Variants in NEK6 observed in about 807,000 individuals in gnomAD.
The protein encoded by NEK6 is NIMA related kinase 6, also known as serine/threonine-protein kinase Nek6.
In NEK6, 27 loss-of-function variants were observed where a neutral mutation model predicts 43.5. The ratio of observed to expected loss-of-function variants is 0.62; its 90% CI spans 0.46 to 0.86. The LOEUF is 0.86. NEK6 is among the 40% of genes least tolerant of loss of function. The pLI, the probability that NEK6 is intolerant of heterozygous loss-of-function variation, is 0.00. For synonymous variants in NEK6, 167 were observed against 164.1 expected, an observed-to-expected ratio of 1.02 and a Z score of -0.14; for missense variants, 318 against 414.4, an observed-to-expected ratio of 0.77 and a Z score of 2.02.
Position 124,327,444 on chromosome 9 carries a change from A to G in NEK6, c.621A>G (p.Leu207=). 6.2e-7 allele frequency: 1 copy of G among 1,611,318 alleles called. No individual in the cohort carries two copies. Among genetic ancestry groups the G allele is most frequent in the Non-Finnish European group, 8.5e-7 (1 of 1,179,028 alleles). The change falls in exon 7 of 10, where the codon CTA becomes CTG. Residue 207 remains leucine, a splice_region_variant and synonymous_variant. Coordinates refer to ENST00000320246, the MANE Select transcript of NEK6 (RefSeq NM_014397.6). ...CTGAGACCACCGCAGCCCACTCCCT[A>G]GGTAAGGGGGACCTGTCTGTGCCCC... ...FSSETTAAHS[L]VGTPYYMSPE... is the part of the protein sequence containing the mutation.
intron 1 of NEK6, among the ~76,000 whole-genome samples, chr9:124,298,093 C>T (rs559033852): frequency 1.3e-5 from 2 of 152,352 alleles, no homozygotes; most frequent in African/African-American, 2.4e-5. Flanking sequence ...CTAATGGCAT[C>T]GAGCCTCTTC....
At chr9:124,331,275 A>AAAAAAAAAAAC (rs540083053) in intron 7 of NEK6, among the ~76,000 whole-genome samples, 2 of 145,728 alleles carry the variant, frequency 1.4e-5, no homozygotes, top group East Asian at 4.5e-4. Context: ...AAAAAAAAAC[A>AAAAAAAAAAAC]AAACATTTTG....
chr9:124,288,825 C>T (rs2119032639), intron 1 of NEK6, among the ~76,000 whole-genome samples: 1 of 151,880 alleles, frequency 6.6e-6, no homozygotes, highest in Admixed American at 6.5e-5. Flanking sequence ...GACCCCTGAG[C>T]TTGCTGCCTC....
chr9:124,276,780 T>G (rs1220884180), intron 1 of NEK6, among the ~76,000 whole-genome samples: 5 of 152,236 alleles, frequency 3.3e-5, no homozygotes, highest in Non-Finnish European at 7.3e-5. Context: ...GTTGGCCAGG[T>G]GGCGAAGGCC....
At chr9:124,295,134 G>C (rs1416611739) in intron 1 of NEK6, among the ~76,000 whole-genome samples, 1 of 152,274 alleles carries the variant, frequency 6.6e-6, no homozygotes. Context: ...CGGGGAACCT[G>C]TCTGCATGGC....
intron 1 of NEK6, among the ~76,000 whole-genome samples, chr9:124,285,235 G>A (rs571711226): frequency 4.6e-5 from 7 of 152,318 alleles, no homozygotes; most frequent in Non-Finnish European, 8.8e-5. Context: ...GTGCTCTGAG[G>A]TCAGACTTTT....
At chr9:124,262,251 C>T (rs1394586550) in intron 1 of NEK6, among the ~76,000 whole-genome samples, 1 of 152,246 alleles carries the variant, frequency 6.6e-6, no homozygotes, top group African/African-American at 2.4e-5. Context: ...CCAGCACTTT[C>T]ACTCATTCCT....
At chr9:124,340,532 T>G (rs1829547769) in intron 8 of NEK6, among the ~76,000 whole-genome samples, 1 of 152,202 alleles carries the variant, frequency 6.6e-6, no homozygotes, top group Admixed American at 6.5e-5. Context: ...TGTCTTGCAT[T>G]GTCCTCAGTC....
At position 124,326,294 on chromosome 9, in the gene NEK6, C is replaced by T. The variant is rs781357573; in HGVS notation, c.406-36C>T. 8 of 1,535,862 alleles carry T rather than the reference C, an allele frequency of 5.2e-6. No homozygotes were observed. Among genetic ancestry groups the T allele is most frequent in the Non-Finnish European group, 7.2e-6 (8 of 1,116,388 alleles). Reference sequence around the variant, plus strand: ...GCCACCCACCTCCAAGCCCGCTCACCCGGGCCTATCCCTCTGCTTGTCTCC... The same window carrying T: ...GCCACCCACCTCCAAGCCCGCTCACTCGGGCCTATCCCTCTGCTTGTCTCC... On this transcript the variant is annotated intron_variant, in intron 5 of 9. Coordinates refer to ENST00000320246, the MANE Select transcript of NEK6 (RefSeq NM_014397.6). The surrounding 1 kb of genome is among the most constrained non-coding windows in gnomAD (Gnocchi z 4.5).
intron 4 of NEK6, among the ~76,000 whole-genome samples, chr9:124,318,757 C>T (rs1391578561): frequency 2.6e-5 from 4 of 152,074 alleles, no homozygotes; most frequent in East Asian, 1.9e-4. Flanking sequence ...CTGCAACCAC[C>T]GTCTCCCGGG....
At chr9:124,271,484 C>G (rs1162571005) in intron 1 of NEK6, among the ~76,000 whole-genome samples, 3 of 152,246 alleles carry the variant, frequency 2.0e-5, no homozygotes, top group Non-Finnish European at 1.5e-5. Context: ...CACCGGAGAC[C>G]CGGCCAAGTA....
At chr9:124,325,940 TCC>T (rs752293480) in intron 5 of NEK6, among the ~76,000 whole-genome samples, 1 of 151,950 alleles carries the variant, frequency 6.6e-6, no homozygotes, top group Non-Finnish European at 1.5e-5. Context: ...ACAGGGAGAG[TCC>T]ACACCCATTT....
At chr9:124,267,976 A>G (rs1250432630) in intron 1 of NEK6, among the ~76,000 whole-genome samples, 3 of 152,220 alleles carry the variant, frequency 2.0e-5, no homozygotes. Flanking sequence ...CTGTAGAAGT[A>G]TTTAGTGCCA....
At chr9:124,291,765 T>C (rs1305758426) in intron 1 of NEK6, 1 of 957,194 alleles carries the variant, frequency 1.0e-6, no homozygotes, top group Admixed American at 6.2e-5. Context: ...TACACTGGTC[T>C]AATCGGGTGG....
rs377044501 is a variant in NEK6 at position 124,278,161 on chromosome 9, C to T, written c.-30+20076C>T. 7.9e-5 allele frequency among the ~76,000 whole-genome samples: 12 copies of T among 152,308 alleles called. No homozygotes were observed. The South Asian group carries it at 1.9e-3, about 24-fold the overall frequency. ...CTGCAGTACTCGGTACAGGACCATG[C>T]GGTACAGGTGTGTAGCCCAGGAGTG... is the stretch of plus-strand genomic sequence containing the variant. On this transcript the variant is annotated intron_variant, in intron 1 of 9. Coordinates refer to ENST00000320246, the MANE Select transcript of NEK6 (RefSeq NM_014397.6).
intron 1 of NEK6, among the ~76,000 whole-genome samples, chr9:124,266,755 G>A (rs1005673721): frequency 6.6e-6 from 1 of 152,198 alleles, no homozygotes; most frequent in African/African-American, 2.4e-5. Flanking sequence ...GTAGGCACGC[G>A]GCCGGATCCT....
chr9:124,337,641 A>G (rs1206183128), intron 7 of NEK6, among the ~76,000 whole-genome samples: 1 of 152,246 alleles, frequency 6.6e-6, no homozygotes, highest in Non-Finnish European at 1.5e-5. Context: ...TGAACAGACC[A>G]CAGTTTATCA....
chr9:124,295,281 A>G (rs1832629899), intron 1 of NEK6, among the ~76,000 whole-genome samples: 1 of 152,214 alleles, frequency 6.6e-6, no homozygotes, highest in Non-Finnish European at 1.5e-5. Flanking sequence ...GAGGGAACAC[A>G]GGACCCGGCC....
intron 1 of NEK6, chr9:124,259,381 T>C (rs1392335483): frequency 6.6e-6 from 1 of 152,002 alleles, no homozygotes; most frequent in Non-Finnish European, 1.5e-5. Flanking sequence ...AAGAATTTCA[T>C]TGAAAGGGAC....
Sources: gnomAD v4.1 joint callset for allele counts (sites outside exome capture counted in the v4.1 genomes callset) on GRCh38, gnomAD v4.1.1 for gene constraint, Gnocchi (gnomAD v3.1) non-coding constraint, MANE v1.5 for transcripts, NCBI Gene and HGNC (gene_info 2026-07-23, HGNC 2026-07-21) for gene names.